Variants in CSMD1 observed in about 807,000 individuals in gnomAD.
CSMD1 encodes CUB and Sushi multiple domains 1, also known as CUB and sushi domain-containing protein 1.
Under a neutral mutation model 417.5 loss-of-function variants are expected in CSMD1, and 213 were observed. That is an observed-to-expected ratio of 0.51 (90% CI 0.46 to 0.57). The LOEUF is 0.57. CSMD1 is among the 20% of genes least tolerant of loss of function. The pLI, the probability that CSMD1 is intolerant of heterozygous loss-of-function variation, is 0.00. For missense variants in CSMD1, 6,923 were observed against 4,529.7 expected, an observed-to-expected ratio of 1.53 and a Z score of -15.17; for synonymous variants, 2,862 against 1,736.8, an observed-to-expected ratio of 1.65 and a Z score of -16.11.
chr8:4,021,095 G>T (rs895239476), intron 4 of CSMD1, among the ~76,000 whole-genome samples: 2 of 152,184 alleles, frequency 1.3e-5, no homozygotes, highest in African/African-American at 4.8e-5. Flanking sequence ...GAGGATAGAG[G>T]ATACAACAAG....
In CSMD1 at chr8:3,142,628, G is replaced by C. The variant is rs1157586112; in HGVS notation, c.6078C>G (p.Asp2026Glu). Residue 2026 changes from aspartate to glutamate, a missense_variant, in exon 41 of 70, where the codon GAC becomes GAG. Transcript: ENST00000635120. ...FLNFSTEANH[D>E]FLEIQNGPYH... is the part of the protein sequence containing the mutation. ...AAGGTCCATTTTGAATTTCAAGGAA[G>C]TCATGATTAGCTTCGGTAGAAAAAT... The C allele has an allele frequency of 4.3e-6, 7 of 1,614,000 alleles. No individual in the cohort carries two copies. The highest frequency in any genetic ancestry group is 3.3e-5 in the Admixed American group (2 of 60,026).
intron 5 of CSMD1, among the ~76,000 whole-genome samples, chr8:3,934,233 C>G (rs1244741090): frequency 6.6e-6 from 1 of 152,166 alleles, no homozygotes; most frequent in Non-Finnish European, 1.5e-5. Flanking sequence ...ATGATGAAAA[C>G]TGATGAACTT....
chr8:3,838,746 T>C (rs1210282482), intron 5 of CSMD1, among the ~76,000 whole-genome samples: 1 of 72,308 alleles, frequency 1.4e-5, no homozygotes, highest in Non-Finnish European at 2.3e-5. Context: ...TAGTATAATA[T>C]ATAATAAATA....
At chr8:4,713,987 C>G (rs534973129) in intron 1 of CSMD1, among the ~76,000 whole-genome samples, 1 of 151,984 alleles carries the variant, frequency 6.6e-6, no homozygotes, top group Non-Finnish European at 1.5e-5. Context: ...TCCACTAAAA[C>G]TACAAAAATT....
intron 3 of CSMD1, among the ~76,000 whole-genome samples, chr8:4,094,544 G>A (rs182855627): frequency 2.6e-5 from 4 of 152,206 alleles, no homozygotes; most frequent in Non-Finnish European, 4.4e-5. Context: ...GCTTCAGTGG[G>A]AGATTCTTGT....
chr8:4,465,084 G>T (rs1433930371), intron 2 of CSMD1, among the ~76,000 whole-genome samples: 1 of 152,088 alleles, frequency 6.6e-6, no homozygotes, highest in Non-Finnish European at 1.5e-5. Context: ...ACCTGAAACG[G>T]AACGGTTTTC....
At chr8:4,674,672 A>G (rs1805560159) in intron 1 of CSMD1, among the ~76,000 whole-genome samples, 1 of 152,214 alleles carries the variant, frequency 6.6e-6, no homozygotes, top group Admixed American at 6.5e-5. Flanking sequence ...CAATAACAAC[A>G]ACAAAAACAA....
chr8:3,291,726 T>C (rs1166206828), intron 25 of CSMD1, among the ~76,000 whole-genome samples: 2 of 152,206 alleles, frequency 1.3e-5, no homozygotes, highest in African/African-American at 4.8e-5. Flanking sequence ...TTTTCTTCTT[T>C]ATTTGTCTTG....
At chr8:3,268,019 C>T (rs977973548) in intron 26 of CSMD1, among the ~76,000 whole-genome samples, 2 of 152,046 alleles carry the variant, frequency 1.3e-5, no homozygotes, top group Admixed American at 6.6e-5. Flanking sequence ...CTCTGTCTGC[C>T]CTTCCTGGTA....
At chr8:4,004,767 T>C (rs777168153) in intron 4 of CSMD1, among the ~76,000 whole-genome samples, 5 of 152,076 alleles carry the variant, frequency 3.3e-5, no homozygotes, top group Non-Finnish European at 7.4e-5. Flanking sequence ...GTTTTTGAGA[T>C]GGCGTCTCAC....
At chr8:3,314,748 A>C (rs900053327) in intron 23 of CSMD1, among the ~76,000 whole-genome samples, 5 of 152,070 alleles carry the variant, frequency 3.3e-5, no homozygotes, top group African/African-American at 1.2e-4. Context: ...ATTAAATCCT[A>C]TGTATCTTCT....
At chr8:4,040,116 G>A (rs117655543) in intron 3 of CSMD1, among the ~76,000 whole-genome samples, 6 of 152,130 alleles carry the variant, frequency 3.9e-5, no homozygotes, top group Non-Finnish European at 7.3e-5. Flanking sequence ...CGCAATTTCA[G>A]AAACAATATT....
At chr8:3,259,438 A>ATGAG (rs904637607) in intron 26 of CSMD1, among the ~76,000 whole-genome samples, 4 of 152,122 alleles carry the variant, frequency 2.6e-5, no homozygotes, top group African/African-American at 9.7e-5. Context: ...GAATGAATGA[A>ATGAG]TGAATGAGAA....
intron 33 of CSMD1, among the ~76,000 whole-genome samples, chr8:3,196,801 T>G (rs1161222608): frequency 6.6e-6 from 1 of 152,102 alleles, no homozygotes; most frequent in Admixed American, 6.5e-5. Flanking sequence ...GACCAGTGAG[T>G]TGTGAGAGTT....
At chr8:4,656,464 G>C (rs768276553) in intron 1 of CSMD1, among the ~76,000 whole-genome samples, 9 of 152,014 alleles carry the variant, frequency 5.9e-5, no homozygotes, top group African/African-American at 2.2e-4. Context: ...CTTAACCTTT[G>C]CTGATAAGAA....
chr8:4,216,441 A>T (rs1490051119), intron 3 of CSMD1, among the ~76,000 whole-genome samples: 2 of 152,216 alleles, frequency 1.3e-5, no homozygotes, highest in Non-Finnish European at 2.9e-5. Context: ...GTTCCTAAGT[A>T]AGTAAGTAAA....
At position 3,844,584 on chromosome 8, in the gene CSMD1, T is replaced by C. The variant is rs184291648; in HGVS notation, c.819-90542A>G. Among the ~76,000 whole-genome samples, 1,092 of 152,252 alleles carry C rather than the reference T, an allele frequency of 7.2e-3. 13 individuals carry two copies. The highest frequency in any genetic ancestry group is 0.025 in the African/African-American group (1,038 of 41,542). On this transcript the variant is annotated intron_variant, in intron 5 of 69. Coordinates refer to ENST00000635120, the MANE Select transcript of CSMD1 (RefSeq NM_033225.6). Reference sequence around the variant, plus strand: ...TAGGAAAGTAATAACTAGAGGCCAATGTCATTTGAAAAGGCAAGGGGGTGT... The same window carrying C: ...TAGGAAAGTAATAACTAGAGGCCAACGTCATTTGAAAAGGCAAGGGGGTGT...
intron 69 of CSMD1, among the ~76,000 whole-genome samples, chr8:2,938,975 AT>A: frequency 6.6e-6 from 1 of 152,218 alleles, no homozygotes; most frequent in African/African-American, 2.4e-5. Flanking sequence ...ATTAAATAAA[AT>A]TTTTTTGAGA....
intron 5 of CSMD1, among the ~76,000 whole-genome samples, chr8:3,907,139 T>C (rs150306215): frequency 2.5e-4 from 38 of 152,352 alleles, no homozygotes; most frequent in African/African-American, 8.9e-4. Flanking sequence ...ACATTACTTT[T>C]CATGTTACGT....
Sources: gnomAD v4.1 joint callset for allele counts (sites outside exome capture counted in the v4.1 genomes callset) on GRCh38, gnomAD v4.1.1 for gene constraint, MANE v1.5 for transcripts, NCBI Gene and HGNC (gene_info 2026-07-23, HGNC 2026-07-21) for gene names.